The following CNTN1 variants were observed in gnomAD, a reference collection of about 807,000 sequenced individuals.
The protein encoded by CNTN1 is contactin 1, also known as contactin-1.
A neutral mutation model predicts 126.4 loss-of-function variants in CNTN1; 38 were observed. That is an observed-to-expected ratio of 0.30 (90% CI 0.23 to 0.39). The LOEUF (loss-of-function observed/expected upper bound fraction) is 0.39, where lower values mean the gene tolerates loss of function less well. CNTN1 is among the 10% of genes least tolerant of loss of function. The pLI, the probability that CNTN1 is intolerant of heterozygous loss-of-function variation, is 1.00. For missense variants in CNTN1, 1,009 were observed against 1,248.4 expected (o/e 0.81, Z 2.89); for synonymous variants, 413 against 422.6 (o/e 0.98, Z 0.28).
chr12:40,862,413 A>T (rs141470173), intron 1 of CNTN1, among the ~76,000 whole-genome samples: 1 of 152,180 alleles, frequency 6.6e-6, no homozygotes, highest in Non-Finnish European at 1.5e-5. Flanking sequence ...GTTTCCCTTT[A>T]TGGGGTTTAC....
At chr12:41,048,171 G>C (rs1280162675) in intron 23 of CNTN1, among the ~76,000 whole-genome samples, 1 of 152,070 alleles carries the variant, frequency 6.6e-6, no homozygotes. Flanking sequence ...GCTAAAGGTG[G>C]CCAGAGAAGA....
intron 1 of CNTN1, among the ~76,000 whole-genome samples, chr12:40,798,858 A>G (rs1940542394): frequency 6.6e-6 from 1 of 152,068 alleles, no homozygotes; most frequent in African/African-American, 2.4e-5. Context: ...AGGTTTACCT[A>G]TTTAACAAAC....
chr12:40,943,925 A>G (rs1239106088), intron 13 of CNTN1, 70 bp from the exon 14 acceptor site: 2 of 1,441,306 alleles, frequency 1.4e-6, no homozygotes, highest in African/African-American at 1.4e-5. Context: ...ATTGGTTATT[A>G]TTTTAATATA....
At chr12:40,771,417 A>C (rs560670884) in intron 1 of CNTN1, among the ~76,000 whole-genome samples, 2 of 152,160 alleles carry the variant, frequency 1.3e-5, no homozygotes, top group Admixed American at 1.3e-4. Context: ...GTCAATGTCT[A>C]GTGTTATTTA....
At chr12:40,901,480 A>T (rs779603432) in intron 1 of CNTN1, among the ~76,000 whole-genome samples, 6 of 152,154 alleles carry the variant, frequency 3.9e-5, no homozygotes, top group Non-Finnish European at 7.4e-5. Context: ...CAAGCTTCCT[A>T]AGTAATTTGT....
intron 15 of CNTN1, among the ~76,000 whole-genome samples, chr12:40,976,804 C>T (rs146731542): frequency 1.3e-3 from 200 of 152,230 alleles, no homozygotes; most frequent in African/African-American, 4.2e-3. Context: ...GGTTGAAGTC[C>T]GACCGTCCAC....
intron 1 of CNTN1, among the ~76,000 whole-genome samples, chr12:40,709,869 G>A (rs928903144): frequency 6.6e-6 from 1 of 152,134 alleles, no homozygotes; most frequent in Non-Finnish European, 1.5e-5. Context: ...TTCTATCAAG[G>A]CTACTCAAAC....
At chr12:40,834,969 T>C (rs994935674) in intron 1 of CNTN1, among the ~76,000 whole-genome samples, 2 of 152,154 alleles carry the variant, frequency 1.3e-5, no homozygotes, top group Non-Finnish European at 2.9e-5. Flanking sequence ...GCTTGGTTAA[T>C]GTATGAGGCT....
At chr12:41,041,404 T>C (rs958097105) in intron 23 of CNTN1, among the ~76,000 whole-genome samples, 1 of 152,194 alleles carries the variant, frequency 6.6e-6, no homozygotes, top group Non-Finnish European at 1.5e-5. Flanking sequence ...TGCCCGGCTT[T>C]GGTATCAGGA....
intron 23 of CNTN1, among the ~76,000 whole-genome samples, chr12:41,056,523 G>A (rs1949805629): frequency 6.6e-6 from 1 of 151,998 alleles, no homozygotes; most frequent in African/African-American, 2.4e-5. Flanking sequence ...AAATACACAG[G>A]TCATTCTATA....
chr12:40,928,351 C>CTT (rs1292017103), intron 6 of CNTN1, among the ~76,000 whole-genome samples: 2 of 151,980 alleles, frequency 1.3e-5, no homozygotes, highest in Non-Finnish European at 2.9e-5. Context: ...TACTTCTTTA[C>CTT]TTATCCCAGG....
intron 17 of CNTN1, among the ~76,000 whole-genome samples, chr12:40,995,366 G>T (rs1948187109): frequency 6.6e-6 from 1 of 151,948 alleles, no homozygotes; most frequent in South Asian, 2.1e-4. Context: ...CTGAAGTTTG[G>T]CAAGTCCTAG....
intron 1 of CNTN1, among the ~76,000 whole-genome samples, chr12:40,786,773 G>A (rs544263446): frequency 6.6e-6 from 1 of 152,130 alleles, no homozygotes; most frequent in African/African-American, 2.4e-5. Context: ...CTTCTAAATT[G>A]CAACAATGGA....
At chr12:40,812,948 T>TA (rs1941120002) in intron 1 of CNTN1, among the ~76,000 whole-genome samples, 1 of 151,664 alleles carries the variant, frequency 6.6e-6, no homozygotes, top group Admixed American at 6.6e-5. Context: ...TGTTAATTTT[T>TA]TTTTTTTTTT....
chr12:40,994,077 A>C (rs1948155931), intron 17 of CNTN1, among the ~76,000 whole-genome samples: 1 of 152,136 alleles, frequency 6.6e-6, no homozygotes, highest in Admixed American at 6.5e-5. Flanking sequence ...CTTTGAGATT[A>C]AAAAATAATT....
intron 1 of CNTN1, among the ~76,000 whole-genome samples, chr12:40,794,161 G>A (rs1940323235): frequency 2.6e-5 from 4 of 152,094 alleles, no homozygotes; most frequent in Admixed American, 2.0e-4. Flanking sequence ...TCATTGAGCA[G>A]CACTTTGCAT....
intron 1 of CNTN1, among the ~76,000 whole-genome samples, chr12:40,827,887 C>T (rs1433439866): frequency 1.3e-5 from 2 of 152,066 alleles, no homozygotes; most frequent in East Asian, 1.9e-4. Context: ...ATGCATGCAG[C>T]GCTCATTCTT....
At chr12:40,720,409 GGT>G (rs10636043) in intron 1 of CNTN1, among the ~76,000 whole-genome samples, 16 of 149,094 alleles carry the variant, frequency 1.1e-4, no homozygotes, top group South Asian at 6.4e-4. Context: ...ATCTCAAAGG[GGT>G]GTGTGTGTGT....
intron 16 of CNTN1, among the ~76,000 whole-genome samples, chr12:40,991,437 T>C (rs908988502): frequency 1.3e-5 from 2 of 152,142 alleles, no homozygotes; most frequent in Admixed American, 6.5e-5. Context: ...TTCTGGTAAT[T>C]TGGACATGGA....
Sources: gnomAD v4.1 joint callset for allele counts (sites outside exome capture counted in the v4.1 genomes callset) on GRCh38, gnomAD v4.1.1 for gene constraint, MANE v1.5 for transcripts, NCBI Gene and HGNC (gene_info 2026-07-23, HGNC 2026-07-21) for gene names.